METTL24: variants seen among roughly 807,000 people sequenced by gnomAD.
METTL24 encodes the protein probable methyltransferase-like protein 24.
Under a neutral mutation model 32.7 loss-of-function variants are expected in METTL24, and 29 were observed. The ratio of observed to expected loss-of-function variants is 0.89; its 90% CI spans 0.66 to 1.21. The LOEUF (loss-of-function observed/expected upper bound fraction) is 1.21, where lower values mean the gene tolerates loss of function less well. Ranked by LOEUF, METTL24 falls within the 50% of genes most tolerant of loss-of-function variation. The pLI is 0.00. For synonymous variants in METTL24, 163 were observed against 179.5 expected, an observed-to-expected ratio of 0.91 and a Z score of 0.73; for missense variants, 439 against 468.1, an observed-to-expected ratio of 0.94 and a Z score of 0.57.
chr6:110,252,692 G>T (rs1444129925), intron 4 of METTL24, among the ~76,000 whole-genome samples: 1 of 152,164 alleles, frequency 6.6e-6, no homozygotes, highest in Non-Finnish European at 1.5e-5. Flanking sequence ...TAGTAAAAGT[G>T]TGAGCCATCA....
chr6:110,250,470 T>A (rs189449982), intron 4 of METTL24, among the ~76,000 whole-genome samples: 1 of 151,906 alleles, frequency 6.6e-6, no homozygotes, highest in African/African-American at 2.4e-5. Flanking sequence ...AGAACCACAC[T>A]ATTTCCAAAT....
In METTL24 at chr6:110,358,269, C is replaced by T; in HGVS notation, c.4G>A (p.Ala2Thr). ...CCCCTCCCGGGCGGCCTCTCCCGGG[C>T]CATGGCGCTACACTCGGGGTCCCGC... M[A>T]RERPPGRGCG... Residue 2 changes from alanine (A) to threonine (T), a missense_variant, in exon 1 of 5, where the codon GCC (alanine) becomes ACC (threonine). Coordinates refer to ENST00000338882, the MANE Select transcript of METTL24 (RefSeq NM_001123364.3). The T allele has an allele frequency of 2.0e-6, 3 of 1,472,564 alleles. No homozygotes were observed. Among genetic ancestry groups the T allele is most frequent in the Non-Finnish European group, 8.9e-7 (1 of 1,118,616 alleles). 91.2% of individuals were successfully genotyped at this position (1,472,564 alleles called of 1,614,324 possible). A position where few individuals can be genotyped will look rare whatever the true frequency, so the allele number is the denominator to read the frequency against.
At chr6:110,251,980 C>G (rs1056079521) in intron 4 of METTL24, among the ~76,000 whole-genome samples, 1 of 152,054 alleles carries the variant, frequency 6.6e-6, no homozygotes, top group African/African-American at 2.4e-5. Context: ...CCCTTCTCTA[C>G]TGAAACTACA....
intron 4 of METTL24, among the ~76,000 whole-genome samples, chr6:110,247,342 GTC>G (rs1363874338): frequency 6.6e-6 from 1 of 152,120 alleles, no homozygotes; most frequent in Admixed American, 6.5e-5. Context: ...TCTGAACAGA[GTC>G]TGTCTACAGA....
intron 4 of METTL24, among the ~76,000 whole-genome samples, chr6:110,297,238 T>C (rs959121755): frequency 3.9e-5 from 6 of 152,202 alleles, no homozygotes; most frequent in Non-Finnish European, 8.8e-5. Context: ...GTCTCATGCT[T>C]TATCCTTAGC....
intron 4 of METTL24, among the ~76,000 whole-genome samples, chr6:110,248,753 C>G (rs1169650480): frequency 6.6e-6 from 1 of 150,950 alleles, no homozygotes; most frequent in Non-Finnish European, 1.5e-5. Context: ...GACCTCATCT[C>G]TACAAAAAAA....
intron 1 of METTL24, among the ~76,000 whole-genome samples, chr6:110,345,425 G>A (rs925575155): frequency 9.2e-5 from 14 of 152,134 alleles, no homozygotes; most frequent in Admixed American, 3.9e-4. Flanking sequence ...ACCATTATTG[G>A]GTTTGTACCC....
chr6:110,260,737 AG>A (rs1215477569), intron 4 of METTL24, among the ~76,000 whole-genome samples: 6 of 152,228 alleles, frequency 3.9e-5, no homozygotes, highest in Admixed American at 6.5e-5. Flanking sequence ...TACCCACAAA[AG>A]GGAAGCCCAT....
In METTL24 at chr6:110,267,985, C is replaced by T. The variant is rs539359333; in HGVS notation, c.787-21725G>A. 4.6e-5 allele frequency among the ~76,000 whole-genome samples: 7 copies of T among 152,236 alleles called. No homozygotes were observed. The South Asian group carries it at 1.5e-3, about 32-fold the overall frequency. ...CAAGCCATTCATGAGGCATCCACCC[C>T]CATGATCCAAACGCCTCACACCAGG... On this transcript the variant is annotated intron_variant, in intron 4 of 4. Transcript: ENST00000338882.
chr6:110,356,634 G>A (rs987707287), intron 1 of METTL24, among the ~76,000 whole-genome samples: 1 of 152,112 alleles, frequency 6.6e-6, no homozygotes, highest in African/African-American at 2.4e-5. Context: ...ATCTGAACTC[G>A]TTTTGTGCCT....
At chr6:110,283,286 T>C (rs1392023544) in intron 4 of METTL24, among the ~76,000 whole-genome samples, 2 of 152,138 alleles carry the variant, frequency 1.3e-5, no homozygotes, top group Non-Finnish European at 2.9e-5. Flanking sequence ...TCCCTTTTTC[T>C]CCCCAAAGAA....
At chr6:110,270,118 A>AT (rs1049853306) in intron 4 of METTL24, among the ~76,000 whole-genome samples, 8 of 152,306 alleles carry the variant, frequency 5.3e-5, no homozygotes, top group East Asian at 1.9e-4. Context: ...CATATAATGG[A>AT]TTTTTTTGAG....
At chr6:110,253,877 TCAAA>T (rs1481100965) in intron 4 of METTL24, 21 of 1,435,278 alleles carry the variant, frequency 1.5e-5, no homozygotes, top group Admixed American at 2.6e-5. Context: ...AAATTTTCTC[TCAAA>T]CAGAGTCCCT....
chr6:110,255,545 G>T (rs1232680877), intron 4 of METTL24, among the ~76,000 whole-genome samples: 1 of 152,160 alleles, frequency 6.6e-6, no homozygotes, highest in Non-Finnish European at 1.5e-5. Context: ...GAGTCAGGCA[G>T]AAGGGCAATG....
At chr6:110,306,484 A>G in intron 3 of METTL24, among the ~76,000 whole-genome samples, 1 of 152,002 alleles carries the variant, frequency 6.6e-6, no homozygotes, top group Non-Finnish European at 1.5e-5. Context: ...TATAAATATC[A>G]TAAGCACACA....
At chr6:110,279,758 T>C (rs1771106300) in intron 4 of METTL24, among the ~76,000 whole-genome samples, 1 of 152,168 alleles carries the variant, frequency 6.6e-6, no homozygotes. Flanking sequence ...CCAAATTGCC[T>C]TGACCCAAAG....
At chr6:110,326,230 A>C (rs1385708961) in intron 1 of METTL24, among the ~76,000 whole-genome samples, 3 of 152,220 alleles carry the variant, frequency 2.0e-5, no homozygotes, top group Non-Finnish European at 2.9e-5. Flanking sequence ...AGAGACCAAG[A>C]GGAAGCTGAA....
intron 1 of METTL24, among the ~76,000 whole-genome samples, chr6:110,334,784 A>T (rs1402700739): frequency 6.6e-6 from 1 of 152,128 alleles, no homozygotes; most frequent in Non-Finnish European, 1.5e-5. Flanking sequence ...TGTCATTTTC[A>T]TATTGTTCAT....
intron 4 of METTL24, among the ~76,000 whole-genome samples, chr6:110,257,890 C>A (rs979941413): frequency 2.0e-5 from 3 of 152,152 alleles, no homozygotes; most frequent in Admixed American, 6.6e-5. Flanking sequence ...AAACACATGC[C>A]AAGGTTTCAG....
Sources: gnomAD v4.1 joint callset for allele counts (sites outside exome capture counted in the v4.1 genomes callset) on GRCh38, gnomAD v4.1.1 for gene constraint, MANE v1.5 for transcripts, NCBI Gene and HGNC (gene_info 2026-07-23, HGNC 2026-07-21) for gene names.